The following KIF11 variants were observed in gnomAD, a reference collection of about 807,000 sequenced individuals.
The protein encoded by KIF11 is kinesin family member 11, also known as kinesin-like protein KIF11.
In KIF11, 9 loss-of-function variants were observed where a neutral mutation model predicts 121.0. The observed-to-expected ratio is 0.07, with a 90% CI of 0.04 to 0.13. The LOEUF (loss-of-function observed/expected upper bound fraction) is 0.13. Among genes scored for constraint, KIF11 ranks in the 10% least tolerant of loss-of-function variants. The pLI, the probability that KIF11 is intolerant of heterozygous loss-of-function variation, is 1.00. For missense variants in KIF11, 846 were observed against 1,217.5 expected, an observed-to-expected ratio of 0.69 and a Z score of 4.54; for synonymous variants, 408 against 421.0, an observed-to-expected ratio of 0.97 and a Z score of 0.38.
chr10:92,650,186 T>C (rs2135925861), intron 20 of KIF11, among the ~76,000 whole-genome samples, 200 bp downstream of exon 20: 2 of 152,368 alleles, frequency 1.3e-5, no homozygotes, highest in Middle Eastern at 6.8e-3. Flanking sequence ...CAATACTTAA[T>C]ATTGTGCTTA....
intron 19 of KIF11, 29 bp downstream of exon 19, chr10:92,648,463 A>G: frequency 7.0e-7 from 1 of 1,434,960 alleles, no homozygotes; most frequent in South Asian, 1.3e-5. Context: ...AGAATTGTTA[A>G]ATTTTTTGAA....
chr10:92,645,097 T>C (rs1289630363), intron 17 of KIF11, among the ~76,000 whole-genome samples: 2 of 152,204 alleles, frequency 1.3e-5, no homozygotes, highest in Non-Finnish European at 2.9e-5. Context: ...AGTAGACAGA[T>C]TTTGAAAGCA....
At chr10:92,652,877 G>A (rs1049316496) in intron 21 of KIF11, among the ~76,000 whole-genome samples, 9 of 152,164 alleles carry the variant, frequency 5.9e-5, no homozygotes, top group African/African-American at 1.9e-4. Context: ...GTAGCAGTGT[G>A]ATGTGGGGAT....
At chr10:92,651,502 ATTTTGTTTTTTTTTTTTTTT>A (rs1844979822) in intron 21 of KIF11, among the ~76,000 whole-genome samples, 20 of 21,554 alleles carry the variant, frequency 9.3e-4, no homozygotes, top group Non-Finnish European at 1.4e-3. Context: ...TGCCTGGCTA[ATTTTGTTTTTTTTTTTTTTT>A]TTTTTTTTTT....
chr10:92,640,999 C>T (rs973203946), intron 17 of KIF11, among the ~76,000 whole-genome samples: 17 of 152,104 alleles, frequency 1.1e-4, no homozygotes, highest in African/African-American at 3.6e-4. Context: ...CCTCCTACCT[C>T]GGCCTCCCAA....
At chr10:92,624,924 C>T (rs1170361533) in intron 10 of KIF11, among the ~76,000 whole-genome samples, 3 of 151,864 alleles carry the variant, frequency 2.0e-5, no homozygotes, top group African/African-American at 7.3e-5. Context: ...CACCCACCAC[C>T]GCACCTGGCT....
Position 92,650,018 on chromosome 10 carries a change from ACT to A in KIF11, c.2922+35_2922+36del, listed in dbSNP as rs763505773. On this transcript the variant is annotated intron_variant, in intron 20 of 21. Transcript: ENST00000260731. ...TTAAAGGATCATATTTTATAATAGA[ACT>A]CTTTTATGAACTCTTGATGTGGCTG... The A allele has an allele frequency of 4.6e-6, 7 of 1,523,680 alleles. No homozygotes were observed. The South Asian group carries it at 6.9e-5, about 15-fold the overall frequency. The allele number at this position is 1,523,680 out of a possible 1,614,324, so 94.4% of individuals were successfully genotyped here. A position where few individuals can be genotyped will look rare whatever the true frequency, so the allele number is the denominator to read the frequency against.
At chr10:92,635,277 T>G (rs1008393242) in intron 14 of KIF11, among the ~76,000 whole-genome samples, 22 of 152,198 alleles carry the variant, frequency 1.4e-4, no homozygotes, top group Admixed American at 1.3e-3. Flanking sequence ...TTAAAAGATA[T>G]CCTGTCAGTA....
At chr10:92,609,259 G>A (rs1844464150) in intron 5 of KIF11, 54 bp downstream of exon 5, 1 of 1,472,534 alleles carries the variant, frequency 6.8e-7, no homozygotes, top group Non-Finnish European at 9.2e-7. Flanking sequence ...GTGAGGCTTT[G>A]AGAAGTCAGA....
At chr10:92,627,057 T>C (rs551852241) in intron 10 of KIF11, among the ~76,000 whole-genome samples, 2 of 152,198 alleles carry the variant, frequency 1.3e-5, no homozygotes, top group Non-Finnish European at 2.9e-5. Flanking sequence ...CCACCGCGCC[T>C]GGCTGTAGAA....
chr10:92,619,173 T>C (rs1268305126), intron 9 of KIF11, among the ~76,000 whole-genome samples: 1 of 152,084 alleles, frequency 6.6e-6, no homozygotes, highest in Non-Finnish European at 1.5e-5. Context: ...TTTGCCACCA[T>C]GTCCAGATAA....
chr10:92,645,871 T>A (rs2135923623), intron 18 of KIF11, among the ~76,000 whole-genome samples: 1 of 152,208 alleles, frequency 6.6e-6, no homozygotes, highest in East Asian at 1.9e-4. Context: ...CCTGTATTTA[T>A]CCTTGGTTTC....
At chr10:92,594,813 A>G (rs770478759) in intron 1 of KIF11, among the ~76,000 whole-genome samples, 3 of 152,148 alleles carry the variant, frequency 2.0e-5, no homozygotes, top group Non-Finnish European at 2.9e-5. Context: ...TTTATCACCA[A>G]TGAATAGAAT....
chr10:92,645,260 C>T, intron 17 of KIF11, 103 bp from the exon 18 acceptor site: 1 of 787,920 alleles, frequency 1.3e-6, no homozygotes, highest in South Asian at 1.8e-5. Flanking sequence ...GCCAGACTGT[C>T]CACGTTCAGA....
intron 16 of KIF11, among the ~76,000 whole-genome samples, chr10:92,638,075 C>T (rs918445158): frequency 2.6e-5 from 4 of 152,050 alleles, no homozygotes; most frequent in Admixed American, 2.6e-4. Context: ...GGCTTTAAAC[C>T]AAAACCAAGC....
chr10:92,601,911 T>A (rs532462138), intron 1 of KIF11, among the ~76,000 whole-genome samples: 4 of 152,206 alleles, frequency 2.6e-5, no homozygotes, highest in South Asian at 4.1e-4. Flanking sequence ...GTTTTTCATA[T>A]GTTGCTTTTA....
rs751835131 is a variant in KIF11, at chr10:92,621,452, A to G, written c.1196A>G (p.Tyr399Cys). The change falls in exon 10 of 22, where the codon TAT (tyrosine) becomes TGT (cysteine). Residue 399 changes from tyrosine (Y) to cysteine (C), a missense_variant. Physicochemically the swap from Tyr to Cys is radical, Grantham distance 194. This residue lies in a region of KIF11 where 95 missense variants were observed against 109.3 expected (regional missense o/e 0.87). Transcript: ENST00000260731. Reference sequence around the variant, plus strand: ...GCAGCCCGTGAGAAAAATGGAGTGTATATTTCTGAAGAAAATTTTAGGTAA... The same window carrying G: ...GCAGCCCGTGAGAAAAATGGAGTGTGTATTTCTGAAGAAAATTTTAGGTAA... ...LAAAREKNGV[Y>C]ISEENFRVMS... is the part of the protein sequence containing the mutation. The G allele has an allele frequency of 6.2e-6, 10 of 1,611,902 alleles. No individual in the cohort carries two copies. Among genetic ancestry groups the G allele is most frequent in the Non-Finnish European group, 8.5e-6 (10 of 1,178,422 alleles).
In KIF11 at chr10:92,609,065, G is replaced by C; in HGVS notation, c.433G>C (p.Glu145Gln). The change falls in exon 5 of 22, where the codon GAG becomes CAG. Residue 145 changes from glutamate to glutamine, a missense_variant. Glu to Gln is a conservative substitution (Grantham distance 29, BLOSUM62 2). Coordinates refer to ENST00000260731, the MANE Select transcript of KIF11 (RefSeq NM_004523.4). The part of the protein sequence containing the change: ...IIPRTLHQIF[E>Q]KLTDNGTEFS... ...TCCACGTACCCTTCATCAAATTTTTGAGAAACTTACTGATAATGGTACTGA... is the reference window on the plus strand; with the variant it reads ...TCCACGTACCCTTCATCAAATTTTTCAGAAACTTACTGATAATGGTACTGA... 6.3e-7 allele frequency: 1 copy of C among 1,595,154 alleles called. No individual in the cohort carries two copies. The highest frequency in any genetic ancestry group is 8.5e-7 in the Non-Finnish European group (1 of 1,172,412).
chr10:92,618,658 GA>G lies in KIF11; in HGVS notation c.1128+1833del, dbSNP rs777337001. ...GGCTCTGTCTCAAAAAAAAAAAAAAGAAAAAAAGTAATAATACAGAGAAATC... is the reference window on the plus strand; with the variant it reads ...GGCTCTGTCTCAAAAAAAAAAAAAAGAAAAAAGTAATAATACAGAGAAATC... On this transcript the variant is annotated intron_variant, in intron 9 of 21. Transcript: ENST00000260731. Among the ~76,000 whole-genome samples, 693 of 137,960 alleles carry G rather than the reference GA, an allele frequency of 5.0e-3. 4 individuals carry two copies. Among genetic ancestry groups the G allele is most frequent in the Non-Finnish European group, 8.0e-3 (529 of 66,316 alleles). The allele number at this position is 137,960 out of a possible 152,430, so 90.5% of individuals were successfully genotyped here. A position where few individuals can be genotyped will look rare whatever the true frequency, so the allele number is the denominator to read the frequency against.
Sources: gnomAD v4.1 joint callset for allele counts (sites outside exome capture counted in the v4.1 genomes callset) on GRCh38, gnomAD v4.1.1 for gene constraint, gnomAD v4.1.1 regional missense constraint, MANE v1.5 for transcripts, NCBI Gene and HGNC (gene_info 2026-07-23, HGNC 2026-07-21) for gene names.